PCDHGB3: variants seen among roughly 807,000 people sequenced by gnomAD.
PCDHGB3 encodes protocadherin gamma subfamily B, 3.
Under a neutral mutation model 59.2 loss-of-function variants are expected in PCDHGB3, and 40 were observed. That is an observed-to-expected ratio of 0.68 (90% CI 0.52 to 0.88). The LOEUF (loss-of-function observed/expected upper bound fraction) is 0.88, where lower values mean the gene tolerates loss of function less well. PCDHGB3 is among the 40% of genes least tolerant of loss of function. The pLI, the probability that PCDHGB3 is intolerant of heterozygous loss-of-function variation, is 0.00. For missense variants in PCDHGB3, 1,309 were observed against 1,187.9 expected (o/e 1.10, Z -1.50); for synonymous variants, 581 against 503.6 (o/e 1.15, Z -2.06).
At position 141,470,736 on chromosome 5, in the gene PCDHGB3, C is replaced by T. The variant is rs541510544; in HGVS notation, c.2416-24071C>T. ...TTTTTGAGTCAGGGTCTTGCTCTGT[C>T]GCCCTGGCTGGAGTGCAGTGGACTC... On this transcript the variant is annotated intron_variant, in intron 1 of 3. Coordinates refer to ENST00000576222, the MANE Select transcript of PCDHGB3 (RefSeq NM_018924.5). Among the ~76,000 whole-genome samples, 104 of 152,208 alleles carry T rather than the reference C, an allele frequency of 6.8e-4. 2 individuals carry two copies. Among genetic ancestry groups the T allele is most frequent in the African/African-American group, 2.4e-3 (98 of 41,522 alleles).
intron 1 of PCDHGB3, among the ~76,000 whole-genome samples, chr5:141,480,513 C>T (rs1376669385): frequency 7.9e-6 from 1 of 127,246 alleles, no homozygotes. Context: ...ATGAGAACAA[C>T]CAAAAATGAC....
intron 1 of PCDHGB3, among the ~76,000 whole-genome samples, chr5:141,448,948 A>C (rs918513864): frequency 6.6e-6 from 1 of 152,170 alleles, no homozygotes; most frequent in African/African-American, 2.4e-5. Flanking sequence ...GCAACTCAAA[A>C]AAACAAACAA....
intron 1 of PCDHGB3, chr5:141,419,499 G>A: frequency 6.2e-7 from 1 of 1,612,368 alleles, no homozygotes; most frequent in Non-Finnish European, 8.5e-7. Context: ...GCCAATGTGA[G>A]CCTGCGCGTG....
chr5:141,405,431 T>C (rs1308544171), intron 1 of PCDHGB3: 18 of 1,490,646 alleles, frequency 1.2e-5, no homozygotes, highest in Non-Finnish European at 1.6e-5. Context: ...TGTTTTGTTT[T>C]GTTTTTGAGA....
Position 141,480,177 on chromosome 5 carries a change from G to T in PCDHGB3, c.2416-14630G>T, listed in dbSNP as rs570721769. 4.6e-5 allele frequency among the ~76,000 whole-genome samples: 7 copies of T among 152,066 alleles called. No homozygotes were observed. In the South Asian group the frequency reaches 6.3e-4, roughly 14 times the overall value. ...CTAGCATTTTGGGAGGCTGAGGCAGGCGGATTGCTTGAGGCCAGCAGTTCA... is the reference window on the plus strand; with the variant it reads ...CTAGCATTTTGGGAGGCTGAGGCAGTCGGATTGCTTGAGGCCAGCAGTTCA... On this transcript the variant is annotated intron_variant, in intron 1 of 3. Coordinates refer to ENST00000576222, the MANE Select transcript of PCDHGB3 (RefSeq NM_018924.5).
At chr5:141,383,892 A>C (rs775731680) in intron 1 of PCDHGB3, 120 of 1,613,900 alleles carry the variant, frequency 7.4e-5, no homozygotes, top group Non-Finnish European at 9.4e-5. Flanking sequence ...TGACAAAGGC[A>C]AAAGTACTGA....
At chr5:141,392,644 A>C in intron 1 of PCDHGB3, 1 of 663,560 alleles carries the variant, frequency 1.5e-6, no homozygotes, top group Non-Finnish European at 2.4e-6. Flanking sequence ...CACCTCACGA[A>C]GACCCGCAGA....
At chr5:141,393,721 T>C (rs769235037) in intron 1 of PCDHGB3, 26 of 1,613,752 alleles carry the variant, frequency 1.6e-5, no homozygotes, top group African/African-American at 8.0e-5. Context: ...GAAATATCAA[T>C]AGCAAAAAGT....
At chr5:141,374,286 C>G (rs778269128) in intron 1 of PCDHGB3, 1 of 1,613,980 alleles carries the variant, frequency 6.2e-7, no homozygotes, top group East Asian at 2.2e-5. Flanking sequence ...CGCATCGTCT[C>G]CAGAGGTAGG....
At position 141,371,714 on chromosome 5, in the gene PCDHGB3, G is replaced by A. The variant is rs1286462285; in HGVS notation, c.1320G>A (p.Leu440=). 6.2e-7 allele frequency: 1 copy of A among 1,613,920 alleles called. No homozygotes were observed. The highest frequency in any genetic ancestry group is 8.5e-7 in the Non-Finnish European group (1 of 1,179,914). The part of the protein sequence containing the change: ...PPLSSSKTIT[L]HILDVNDNVP... ...TCTCCTCCAGCAAGACCATCACTCTGCACATCCTTGATGTCAACGACAACG... is the reference window on the plus strand; with the variant it reads ...TCTCCTCCAGCAAGACCATCACTCTACACATCCTTGATGTCAACGACAACG... The change falls in exon 1 of 4, where the codon CTG becomes CTA. Residue 440 remains leucine (L), a synonymous_variant. Transcript: ENST00000576222.
chr5:141,419,361 T>C, intron 1 of PCDHGB3: 1 of 1,613,794 alleles, frequency 6.2e-7, no homozygotes, highest in Non-Finnish European at 8.5e-7. Context: ...TCACGAACGC[T>C]GTCGTCCTAC....
chr5:141,413,806 A>C, intron 1 of PCDHGB3: 1 of 1,613,168 alleles, frequency 6.2e-7, no homozygotes. Flanking sequence ...GGAAGAGGCC[A>C]TTCACCACCT....
chr5:141,465,627 A>C lies in PCDHGB3; in HGVS notation c.2416-29180A>C, dbSNP rs370355596. 1.1e-4 allele frequency among the ~76,000 whole-genome samples: 17 copies of C among 152,326 alleles called. 1 individual carries two copies. The South Asian group carries it at 3.3e-3, about 30-fold the overall frequency. On this transcript the variant is annotated intron_variant, in intron 1 of 3. Coordinates refer to ENST00000576222, the MANE Select transcript of PCDHGB3 (RefSeq NM_018924.5). ...TCTTTGGCCCTCCAGGAAGTCAACCAGCAAAATGCTTTGAACATCCCAAAA... is the reference window on the plus strand; with the variant it reads ...TCTTTGGCCCTCCAGGAAGTCAACCCGCAAAATGCTTTGAACATCCCAAAA...
At position 141,371,939 on chromosome 5, in the gene PCDHGB3, C is replaced by T. The variant is rs1561553418; in HGVS notation, c.1545C>T (p.Phe515=). ...TGAGCGCGCGGAGCGGGGTGGTGTT[C>T]GCGCAGCGAGCCTTCGACCACGAGC... is the stretch of plus-strand genomic sequence containing the variant. ...VSVSARSGVV[F]AQRAFDHEQL... is the part of the protein sequence containing the mutation. The change falls in exon 1 of 4, where the codon TTC becomes TTT. Residue 515 remains phenylalanine (F), a synonymous_variant. Coordinates refer to ENST00000576222, the MANE Select transcript of PCDHGB3 (RefSeq NM_018924.5). The T allele has an allele frequency of 6.2e-7, 1 of 1,613,300 alleles. No individual in the cohort carries two copies. Among genetic ancestry groups the T allele is most frequent in the South Asian group, 1.1e-5 (1 of 91,074 alleles).
chr5:141,395,081 A>G (rs749375075), intron 1 of PCDHGB3: 3 of 1,614,156 alleles, frequency 1.9e-6, no homozygotes, highest in South Asian at 1.1e-5. Context: ...ATTCCCAGGA[A>G]GTCTCCCTCA....
chr5:141,379,889 C>CTTTTTTTTTTTGTTTT (rs1775949907), intron 1 of PCDHGB3, among the ~76,000 whole-genome samples: 1 of 50,830 alleles, frequency 2.0e-5, no homozygotes, highest in Non-Finnish European at 3.9e-5. Flanking sequence ...GTGAAAGCCT[C>CTTTTTTTTTTTGTTTT]TTTTTTTTTT....
chr5:141,458,171 A>G (rs548935841), intron 1 of PCDHGB3, among the ~76,000 whole-genome samples: 74 of 152,336 alleles, frequency 4.9e-4, no homozygotes, highest in African/African-American at 1.6e-3. Flanking sequence ...TCACAGTAGT[A>G]TACCTTACTT....
intron 1 of PCDHGB3, among the ~76,000 whole-genome samples, chr5:141,488,713 C>A (rs1165389103): frequency 6.6e-6 from 1 of 152,184 alleles, no homozygotes; most frequent in Non-Finnish European, 1.5e-5. Context: ...CTGGTTCAAG[C>A]AAAGTGGTGG....
chr5:141,423,693 G>A (rs114008539), intron 1 of PCDHGB3: 1 of 1,396,244 alleles, frequency 7.2e-7, no homozygotes, highest in Non-Finnish European at 9.4e-7. Flanking sequence ...CTAATTGTTG[G>A]TGTCTTGGCA....
Sources: allele counts gnomAD v4.1 joint callset (sites outside exome capture counted in the v4.1 genomes callset), GRCh38; gene constraint gnomAD v4.1.1; transcripts MANE v1.5; gene names NCBI Gene and HGNC (gene_info 2026-07-23, HGNC 2026-07-21).